The following CATSPERD variants were observed in gnomAD, a reference collection of about 807,000 sequenced individuals.
The protein encoded by CATSPERD is cation channel sperm-associated auxiliary subunit delta.
In CATSPERD, 86 loss-of-function variants were observed where a neutral mutation model predicts 98.1. That is an observed-to-expected ratio of 0.88 (90% CI 0.74 to 1.05). CATSPERD has a LOEUF of 1.05. Ranked by LOEUF, CATSPERD falls within the 50% of genes least tolerant of loss-of-function variation. CATSPERD has a pLI of 0.00. For synonymous variants in CATSPERD, 394 were observed against 390.2 expected, an observed-to-expected ratio of 1.01 and a Z score of -0.12; for missense variants, 995 against 1,005.7, an observed-to-expected ratio of 0.99 and a Z score of 0.14.
At chr19:5,771,472 A>G (rs1473809636) in intron 19 of CATSPERD, among the ~76,000 whole-genome samples, 1 of 151,690 alleles carries the variant, frequency 6.6e-6, no homozygotes, top group African/African-American at 2.4e-5. Context: ...TCCTGACCTC[A>G]GATGATCCGC....
intron 11 of CATSPERD, among the ~76,000 whole-genome samples, chr19:5,750,296 G>GA (rs1295665736): frequency 6.8e-6 from 1 of 147,028 alleles, no homozygotes; most frequent in Middle Eastern, 3.5e-3. Flanking sequence ...AAAAAAATAC[G>GA]AAAAAATTAG....
At chr19:5,745,056 CT>C (rs1229314745) in intron 8 of CATSPERD, among the ~76,000 whole-genome samples, 1 of 151,996 alleles carries the variant, frequency 6.6e-6, no homozygotes, top group Non-Finnish European at 1.5e-5. Flanking sequence ...GATTCTTGTG[CT>C]TCAGCCTCCT....
rs759338186 is a variant in CATSPERD at position 5,733,949 on chromosome 19, A to G, written c.370A>G (p.Asn124Asp). Residue 124 changes from asparagine (N) to aspartate (D), a missense_variant, in exon 5 of 22, where the codon AAT (asparagine) becomes GAT (aspartate). By Grantham distance (23) the Asn-to-Asp change is conservative. This residue lies in a region of CATSPERD where 228 missense variants were observed against 209.6 expected (regional missense o/e 1.09). Coordinates refer to ENST00000381624, the MANE Select transcript of CATSPERD (RefSeq NM_152784.4). Reference sequence around the variant, plus strand: ...AGTCTATATTTATGATTATGAAAATAATTCTTGGAGCATGTCTTTAGGTAT... The same window carrying G: ...AGTCTATATTTATGATTATGAAAATGATTCTTGGAGCATGTCTTTAGGTAT... ...QKVYIYDYENNSWSMSLGIKH... is the reference protein window; with the variant it reads ...QKVYIYDYENDSWSMSLGIKH... 2 of 1,603,534 alleles carry G rather than the reference A, an allele frequency of 1.2e-6. No individual in the cohort carries two copies. Among genetic ancestry groups the G allele is most frequent in the Non-Finnish European group, 1.7e-6 (2 of 1,173,884 alleles).
chr19:5,737,531 C>T (rs982749643), intron 6 of CATSPERD, among the ~76,000 whole-genome samples: 5 of 119,594 alleles, frequency 4.2e-5, no homozygotes, highest in African/African-American at 1.3e-4. Flanking sequence ...GCCTGGGCAA[C>T]TAGCAAGACT....
chr19:5,771,811 C>T (rs1343995217), intron 19 of CATSPERD, among the ~76,000 whole-genome samples: 1 of 152,070 alleles, frequency 6.6e-6, no homozygotes, highest in Admixed American at 6.6e-5. Flanking sequence ...CTTCGTGATC[C>T]ACCTGCCTCA....
chr19:5,746,183 T>G, intron 9 of CATSPERD, 120 bp downstream of exon 9: 72 of 1,065,960 alleles, frequency 6.8e-5, no homozygotes, highest in Non-Finnish European at 9.2e-5. Flanking sequence ...ATTTTTTCTC[T>G]TCCATGTTCA....
At chr19:5,755,067 C>G (rs1199000689) in intron 13 of CATSPERD, among the ~76,000 whole-genome samples, 1 of 151,860 alleles carries the variant, frequency 6.6e-6, no homozygotes, top group East Asian at 1.9e-4. Flanking sequence ...TGGTCTTGAA[C>G]TCCTGACCTC....
chr19:5,745,863 A>C, intron 8 of CATSPERD, 50 bp from the exon 9 acceptor site: 2 of 1,594,660 alleles, frequency 1.3e-6, no homozygotes, highest in Non-Finnish European at 1.7e-6. Flanking sequence ...ACTCAGTGGG[A>C]CTCCACAGTA....
intron 17 of CATSPERD, among the ~76,000 whole-genome samples, chr19:5,767,431 A>G (rs1197103706): frequency 6.9e-6 from 1 of 145,672 alleles, no homozygotes; most frequent in Non-Finnish European, 1.5e-5. Context: ...TTTTTTCCAT[A>G]TCTGCTCATT....
chr19:5,740,174 G>A (rs909260235), intron 7 of CATSPERD, among the ~76,000 whole-genome samples: 10 of 151,774 alleles, frequency 6.6e-5, no homozygotes, highest in African/African-American at 2.4e-4. Context: ...TCAGCTACTC[G>A]GGAGGCTGAG....
chr19:5,749,099 A>G lies in CATSPERD; in HGVS notation c.905-2A>G. Reference sequence around the variant, plus strand: ...TGTTTTGTCTTGTTTTGTTTTTCCCAGCTGAAAATGAACTGGCAGTTATAA... The same window carrying G: ...TGTTTTGTCTTGTTTTGTTTTTCCCGGCTGAAAATGAACTGGCAGTTATAA... On this transcript the variant is annotated splice_acceptor_variant, in intron 10 of 21. Transcript: ENST00000381624. LOFTEE classifies it high-confidence loss of function. The G allele has an allele frequency of 6.2e-7, 1 of 1,610,934 alleles. No homozygotes were observed. The highest frequency in any genetic ancestry group is 8.5e-7 in the Non-Finnish European group (1 of 1,178,570).
At chr19:5,735,713 T>C (rs1287176116) in intron 5 of CATSPERD, among the ~76,000 whole-genome samples, 1 of 151,840 alleles carries the variant, frequency 6.6e-6, no homozygotes, top group East Asian at 1.9e-4. Context: ...TACCTCGTGA[T>C]CCTGTCACCT....
intron 5 of CATSPERD, among the ~76,000 whole-genome samples, chr19:5,735,842 G>A (rs772790232): frequency 1.4e-5 from 2 of 140,574 alleles, no homozygotes; most frequent in Admixed American, 7.5e-5. Flanking sequence ...GTGCAGTGGC[G>A]CGATCTCGGC....
intron 7 of CATSPERD, among the ~76,000 whole-genome samples, chr19:5,739,885 A>T (rs2055924056): frequency 6.6e-6 from 1 of 150,670 alleles, no homozygotes; most frequent in Admixed American, 6.7e-5. Flanking sequence ...GGAAAATTCC[A>T]GGTCAATGGA....
intron 19 of CATSPERD, 87 bp from the exon 20 acceptor site, chr19:5,772,701 T>A (rs764569139): frequency 2.0e-5 from 28 of 1,433,524 alleles, no homozygotes; most frequent in Admixed American, 6.3e-5. Context: ...CCCCAAGCGG[T>A]TTTGCAGCCG....
At chr19:5,766,353 A>G (rs1599584937) in intron 17 of CATSPERD, among the ~76,000 whole-genome samples, 198 bp downstream of exon 17, 1 of 150,586 alleles carries the variant, frequency 6.6e-6, no homozygotes, top group African/African-American at 2.4e-5. Flanking sequence ...TGGGAGGCTG[A>G]GGCTGGAGGA....
chr19:5,728,356 CAAAAAAA>C (rs564166119), intron 3 of CATSPERD, among the ~76,000 whole-genome samples: 4 of 80,946 alleles, frequency 4.9e-5, no homozygotes, highest in Non-Finnish European at 9.5e-5. Flanking sequence ...GACTCTGTCT[CAAAAAAA>C]AAAAAAAAAA....
At chr19:5,778,277 G>C (rs1029924670) in intron 21 of CATSPERD, 99 bp from the exon 22 acceptor site, 2 of 1,052,286 alleles carry the variant, frequency 1.9e-6, no homozygotes, top group Non-Finnish European at 2.8e-6. Flanking sequence ...CTGTGGGCCT[G>C]GTTCTCCCTC....
At chr19:5,760,468 A>G (rs2056413399) in intron 15 of CATSPERD, among the ~76,000 whole-genome samples, 1 of 151,628 alleles carries the variant, frequency 6.6e-6, no homozygotes, top group Non-Finnish European at 1.5e-5. Context: ...TGAGGACAAC[A>G]TGCTCAGTGC....
Sources: allele counts gnomAD v4.1 joint callset (sites outside exome capture counted in the v4.1 genomes callset), GRCh38; gene constraint gnomAD v4.1.1; regional missense constraint gnomAD v4.1.1; transcripts MANE v1.5; gene names NCBI Gene and HGNC (gene_info 2026-07-23, HGNC 2026-07-21).